Variants in EIF2AK2 observed in about 807,000 individuals in gnomAD.
EIF2AK2 encodes the protein eukaryotic translation initiation factor 2 alpha kinase 2.
Under a neutral mutation model 70.5 loss-of-function variants are expected in EIF2AK2, and 40 were observed. The observed-to-expected ratio is 0.57, with a 90% confidence interval of 0.44 to 0.74. The LOEUF (loss-of-function observed/expected upper bound fraction) is 0.74, where lower values mean the gene tolerates loss of function less well. EIF2AK2 is among the 30% of genes least tolerant of loss of function. EIF2AK2 has a pLI of 0.00. For synonymous variants in EIF2AK2, 198 were observed against 220.9 expected (o/e 0.90, Z 0.92); for missense variants, 555 against 644.3 (o/e 0.86, Z 1.50).
At chr2:37,152,262 T>C (rs1294105437) in intron 1 of EIF2AK2, among the ~76,000 whole-genome samples, 1 of 152,144 alleles carries the variant, frequency 6.6e-6, no homozygotes, top group Non-Finnish European at 1.5e-5. Context: ...CTTTTGATCT[T>C]CTTTCTTCCA....
intron 13 of EIF2AK2, among the ~76,000 whole-genome samples, chr2:37,116,216 A>C (rs940277902): frequency 6.6e-6 from 1 of 151,754 alleles, no homozygotes; most frequent in Admixed American, 6.6e-5. Context: ...GGTATTGACC[A>C]ATATTATTTT....
chr2:37,155,950 A>AG (rs1553340889), intron 1 of EIF2AK2, among the ~76,000 whole-genome samples: 1 of 138,980 alleles, frequency 7.2e-6, no homozygotes, highest in Non-Finnish European at 1.5e-5. Context: ...AAAAAAAAAA[A>AG]AAAAGAAAAG....
chr2:37,112,853 A>G (rs1674205408), intron 14 of EIF2AK2, among the ~76,000 whole-genome samples: 1 of 152,154 alleles, frequency 6.6e-6, no homozygotes, highest in African/African-American at 2.4e-5. Flanking sequence ...CATCACCACT[A>G]TCTATTTCCA....
intron 1 of EIF2AK2, among the ~76,000 whole-genome samples, chr2:37,152,704 T>C (rs1277904197): frequency 1.3e-5 from 2 of 152,250 alleles, no homozygotes; most frequent in Non-Finnish European, 2.9e-5. Context: ...ATGATTTCAG[T>C]GATCATCTAT....
chr2:37,107,902 C>G (rs1228890680), intron 15 of EIF2AK2, among the ~76,000 whole-genome samples: 1 of 151,932 alleles, frequency 6.6e-6, no homozygotes, highest in Non-Finnish European at 1.5e-5. Context: ...TCCCAACACT[C>G]TGGGAGGCCG....
At chr2:37,111,020 G>T (rs1022493803) in intron 14 of EIF2AK2, among the ~76,000 whole-genome samples, 3 of 152,310 alleles carry the variant, frequency 2.0e-5, no homozygotes, top group South Asian at 2.1e-4. Flanking sequence ...ATATCTTGAG[G>T]ATATTATGCT....
At chr2:37,155,225 T>C (rs1441358574) in intron 1 of EIF2AK2, among the ~76,000 whole-genome samples, 1 of 152,156 alleles carries the variant, frequency 6.6e-6, no homozygotes, top group African/African-American at 2.4e-5. Flanking sequence ...AATTTCTACT[T>C]CCTACAGATT....
rs1374501739 is a variant in EIF2AK2 at position 37,104,605 on chromosome 2, G to A, written c.*2668C>T. Reference sequence around the variant, plus strand: ...AAAAATGCTGGGATAACAGGCATTAGCTACTGCGTCCAGCTTTTGTCTTTT... The same window carrying A: ...AAAAATGCTGGGATAACAGGCATTAACTACTGCGTCCAGCTTTTGTCTTTT... On this transcript the variant is annotated 3_prime_UTR_variant, in exon 17 of 17. Transcript: ENST00000233057. 2 of 152,044 alleles carry A rather than the reference G, an allele frequency of 1.3e-5. No individual in the cohort carries two copies. Among genetic ancestry groups the A allele is most frequent in the Non-Finnish European group, 2.9e-5 (2 of 68,020 alleles). 9.4% of individuals were successfully genotyped at this position (152,044 alleles called of 1,614,324 possible).
rs1206919790 is a variant in EIF2AK2 at position 37,099,720 on chromosome 2, CATT to C, written c.*7550_*7552del. ...ATTTGTACACAAAAGTTCATAGTAGCATTATTCATGGTAGCCAAAAAGTACAAA... is the reference window on the plus strand; with the variant it reads ...ATTTGTACACAAAAGTTCATAGTAGCATTCATGGTAGCCAAAAAGTACAAA... On this transcript the variant is annotated 3_prime_UTR_variant, in exon 17 of 17. Coordinates refer to ENST00000233057, the MANE Select transcript of EIF2AK2 (RefSeq NM_001135651.3). 1 of 152,170 alleles carries C rather than the reference CATT, an allele frequency of 6.6e-6. No homozygotes were observed. The highest frequency in any genetic ancestry group is 1.5e-5 in the Non-Finnish European group (1 of 68,024). 9.4% of individuals were successfully genotyped at this position (152,170 alleles called of 1,614,324 possible). A position where few individuals can be genotyped will look rare whatever the true frequency, so the allele number is the denominator to read the frequency against.
chr2:37,135,665 A>G lies in EIF2AK2; in HGVS notation c.723-119T>C, dbSNP rs1226579031. On this transcript the variant is annotated intron_variant, in intron 9 of 16. Transcript: ENST00000233057. ...TTCTTCAGAGGCAAGGTCTCACCCC[A>G]TCTCCCAGCCTGGAGTGCAGTGGTG... The G allele has an allele frequency of 3.5e-6, 3 of 855,114 alleles. No homozygotes were observed. The African/African-American group carries it at 5.2e-5, about 15-fold the overall frequency. 53.0% of individuals were successfully genotyped at this position (855,114 alleles called of 1,614,324 possible).
chr2:37,122,268 T>C (rs372850565), intron 12 of EIF2AK2, among the ~76,000 whole-genome samples: 1 of 152,140 alleles, frequency 6.6e-6, no homozygotes, highest in East Asian at 1.9e-4. Context: ...GAACCTGAGA[T>C]TTTGCAGACA....
intron 1 of EIF2AK2, among the ~76,000 whole-genome samples, chr2:37,154,084 T>C (rs1450874650): frequency 6.6e-6 from 1 of 152,140 alleles, no homozygotes; most frequent in East Asian, 1.9e-4. Context: ...CCCAGCACTT[T>C]GGGAGGCCAA....
At chr2:37,130,262 C>G (rs1475918258) in intron 10 of EIF2AK2, among the ~76,000 whole-genome samples, 1 of 152,096 alleles carries the variant, frequency 6.6e-6, no homozygotes, top group East Asian at 1.9e-4. Flanking sequence ...CCACCATGCC[C>G]AACTAATTTT....
At chr2:37,140,114 C>G (rs4648185) in intron 5 of EIF2AK2, among the ~76,000 whole-genome samples, 3,413 of 152,082 alleles carry the variant, frequency 0.022, 65 homozygotes, top group Non-Finnish European at 0.033. Context: ...TGAATTTTTT[C>G]AGAGGTGCTC....
chr2:37,123,615 T>A (rs985026968), intron 11 of EIF2AK2, among the ~76,000 whole-genome samples: 10 of 152,326 alleles, frequency 6.6e-5, no homozygotes, highest in Admixed American at 5.9e-4. Flanking sequence ...TGCTTAGATT[T>A]GTGTTAAAAT....
At chr2:37,117,177 C>A (rs1674373216) in intron 13 of EIF2AK2, among the ~76,000 whole-genome samples, 2 of 147,582 alleles carry the variant, frequency 1.4e-5, no homozygotes, top group Non-Finnish European at 3.0e-5. Flanking sequence ...CACTCCACTG[C>A]ACTCCAGCCT....
intron 1 of EIF2AK2, among the ~76,000 whole-genome samples, chr2:37,153,950 G>A (rs541154366): frequency 6.6e-6 from 1 of 152,270 alleles, no homozygotes; most frequent in East Asian, 1.9e-4. Context: ...ATGCACGAGG[G>A]TTCTAATTTC....
At chr2:37,119,917 T>C (rs1020873428) in intron 13 of EIF2AK2, 42 bp downstream of exon 13, 1 of 1,080,888 alleles carries the variant, frequency 9.3e-7, no homozygotes, top group Non-Finnish European at 1.2e-6. Context: ...AAAATTACTA[T>C]ATTATATATA....
chr2:37,118,441 G>A (rs1040980515), intron 13 of EIF2AK2, among the ~76,000 whole-genome samples: 2 of 152,178 alleles, frequency 1.3e-5, no homozygotes, highest in Non-Finnish European at 2.9e-5. Context: ...GGGCACACAC[G>A]GTGTGGGGCA....
Sources: gnomAD v4.1 joint callset for allele counts (sites outside exome capture counted in the v4.1 genomes callset) on GRCh38, gnomAD v4.1.1 for gene constraint, MANE v1.5 for transcripts, NCBI Gene and HGNC (gene_info 2026-07-23, HGNC 2026-07-21) for gene names.